MYCBP2: variants seen among roughly 807,000 people sequenced by gnomAD.
MYCBP2 encodes MYC binding protein 2, also known as E3 ubiquitin-protein ligase MYCBP2.
Under a neutral mutation model 525.3 loss-of-function variants are expected in MYCBP2, and 120 were observed. The observed-to-expected ratio is 0.23, with a 90% CI of 0.20 to 0.27. MYCBP2 has a LOEUF of 0.27. Ranked by LOEUF, MYCBP2 falls within the 10% of genes least tolerant of loss-of-function variation. The pLI is 1.00. For missense variants in MYCBP2, 4,149 were observed against 5,657.1 expected (o/e 0.73, Z 8.55); for synonymous variants, 1,894 against 1,955.8 (o/e 0.97, Z 0.83).
chr13:77,139,149 C>T (rs1427703225), intron 52 of MYCBP2, 47 bp downstream of exon 52: 2 of 1,570,924 alleles, frequency 1.3e-6, no homozygotes. Flanking sequence ...CTCTGTAAAA[C>T]AAACAGCGTG....
intron 26 of MYCBP2, among the ~76,000 whole-genome samples, chr13:77,196,117 G>C (rs937742533): frequency 6.6e-6 from 1 of 152,188 alleles, no homozygotes; most frequent in Non-Finnish European, 1.5e-5. Context: ...GGGGAAGTGG[G>C]CTATGTAGGT....
chr13:77,243,962 ATAC>A lies in MYCBP2; in HGVS notation c.2382-14_2382-12del, dbSNP rs779519389. 2.1e-6 allele frequency: 3 copies of A among 1,432,728 alleles called. No homozygotes were observed. The highest frequency in any genetic ancestry group is 1.5e-5 in the South Asian group (1 of 68,652). The allele number at this position is 1,432,728 out of a possible 1,614,324, so 88.8% of individuals were successfully genotyped here. A position where few individuals can be genotyped will look rare whatever the true frequency, so the allele number is the denominator to read the frequency against. ...CCACAACCACAGATCCTAGGGGGAA[ATAC>A]AAAAAAAAAAAAAAAAGACAACTGA... On this transcript the variant is annotated splice_polypyrimidine_tract_variant and intron_variant, in intron 15 of 82. Transcript: ENST00000544440.
chr13:77,223,206 A>T (rs1460792227), intron 20 of MYCBP2, among the ~76,000 whole-genome samples: 1 of 152,184 alleles, frequency 6.6e-6, no homozygotes, highest in Non-Finnish European at 1.5e-5. Context: ...GGGTGCTACC[A>T]GCTGTGACTG....
intron 13 of MYCBP2, 138 bp downstream of exon 13, chr13:77,260,290 A>C (rs1279121537): frequency 4.8e-6 from 3 of 625,194 alleles, no homozygotes; most frequent in Non-Finnish European, 7.6e-6. Flanking sequence ...TCTCTTTCGA[A>C]ATATTTCACA....
chr13:77,126,535 T>C lies in MYCBP2; in HGVS notation c.7667A>G (p.Lys2556Arg), dbSNP rs542230184. The C allele has an allele frequency of 1.9e-6, 3 of 1,611,050 alleles. No individual in the cohort carries two copies. The East Asian group carries it at 6.7e-5, about 36-fold the overall frequency. Residue 2556 changes from lysine (K) to arginine (R), a missense_variant, in exon 53 of 83, where the codon AAA becomes AGA. By Grantham distance (26) the Lys-to-Arg change is conservative. This residue lies in a region of MYCBP2 where 692 missense variants were observed against 852.7 expected (regional missense o/e 0.81). Coordinates refer to ENST00000544440, the MANE Select transcript of MYCBP2 (RefSeq NM_015057.5). ...TTTGAAAAAGTCATCAGTATTAGTT[T>C]TAGATTCCTGAAAATTTGAATAGGA... ...KSLLVPVDESKTNTDDFFKDI... is the reference protein window; with the variant it reads ...KSLLVPVDESRTNTDDFFKDI...
In MYCBP2 at chr13:77,115,664, G is replaced by A. The variant is rs371695445; in HGVS notation, c.8140+5709C>T. 1.7e-4 allele frequency among the ~76,000 whole-genome samples: 26 copies of A among 151,220 alleles called. No homozygotes were observed. In the South Asian group the frequency reaches 4.6e-3, roughly 27 times the overall value. On this transcript the variant is annotated intron_variant, in intron 55 of 82. Coordinates refer to ENST00000544440, the MANE Select transcript of MYCBP2 (RefSeq NM_015057.5). Reference sequence around the variant, plus strand: ...GATTATTTTCAAATTTCCAAAGATAGGTGTAAAAACTATGATTCGGAAAAA... The same window carrying A: ...GATTATTTTCAAATTTCCAAAGATAAGTGTAAAAACTATGATTCGGAAAAA...
In MYCBP2 at chr13:77,097,870, G is replaced by A. The variant is rs1566509831; in HGVS notation, c.9284C>T (p.Ser3095Phe). 6.2e-7 allele frequency: 1 copy of A among 1,613,116 alleles called. No homozygotes were observed. The highest frequency in any genetic ancestry group is 1.1e-5 in the South Asian group (1 of 90,966). The change falls in exon 56 of 83, where the codon TCT (serine) becomes TTT (phenylalanine). Residue 3095 changes from serine (S) to phenylalanine (F), a missense_variant. Physicochemically the swap from Ser to Phe is radical, Grantham distance 155 (BLOSUM62 -2). This residue lies in a region of MYCBP2 where 653 missense variants were observed against 744.7 expected (regional missense o/e 0.88). Coordinates refer to ENST00000544440, the MANE Select transcript of MYCBP2 (RefSeq NM_015057.5). ...TGCAATATTAAACATATTCAGTGCA[G>A]ATGATATTTCTAATGAATGTCTATT... ...LKNRHSLEIS[S>F]ALNMFNIAPH...
intron 3 of MYCBP2, among the ~76,000 whole-genome samples, chr13:77,279,386 T>A (rs2075960592): frequency 6.6e-6 from 1 of 152,150 alleles, no homozygotes; most frequent in Non-Finnish European, 1.5e-5. Flanking sequence ...ATTATCTTAC[T>A]ATTCCTCATC....
intron 23 of MYCBP2, among the ~76,000 whole-genome samples, chr13:77,209,553 C>T (rs2063732101): frequency 1.3e-5 from 2 of 152,198 alleles, no homozygotes; most frequent in Non-Finnish European, 2.9e-5. Context: ...ATCTTTACAT[C>T]TTTTCTCCTC....
chr13:77,058,979 C>G lies in MYCBP2; in HGVS notation c.13140+544G>C, dbSNP rs568615646. ...CAGCCTGGGCGACACAGCCAGACTC[C>G]GTCTCAAAAAAATAAAAAATAAAAA... On this transcript the variant is annotated intron_variant, in intron 77 of 82. Coordinates refer to ENST00000544440, the MANE Select transcript of MYCBP2 (RefSeq NM_015057.5). This position sits in a 1 kb window ranked among gnomAD's most constrained non-coding sequence, Gnocchi z 4.1. 6.6e-6 allele frequency among the ~76,000 whole-genome samples: 1 copy of G among 151,736 alleles called. No individual in the cohort carries two copies. Among genetic ancestry groups the G allele is most frequent in the Non-Finnish European group, 1.5e-5 (1 of 67,970 alleles).
chr13:77,160,219 A>G (rs2057733877), intron 44 of MYCBP2, among the ~76,000 whole-genome samples: 1 of 152,122 alleles, frequency 6.6e-6, no homozygotes, highest in Non-Finnish European at 1.5e-5. Flanking sequence ...GGCATGCGCC[A>G]CCACGCCCAG....
chr13:77,175,431 T>C (rs983598204), intron 36 of MYCBP2, among the ~76,000 whole-genome samples: 7 of 152,154 alleles, frequency 4.6e-5, no homozygotes, highest in African/African-American at 1.7e-4. Flanking sequence ...ACTGTACTTT[T>C]AAAATGTGAG....
chr13:77,149,008 G>A (rs1271376545), intron 47 of MYCBP2, among the ~76,000 whole-genome samples: 1 of 151,884 alleles, frequency 6.6e-6, no homozygotes, highest in African/African-American at 2.4e-5. Context: ...TTTATATTCG[G>A]AGTATCTTTA....
rs570681679 is a variant in MYCBP2 at position 77,209,163 on chromosome 13, A to C, written c.3416+2004T>G. 2.0e-5 allele frequency among the ~76,000 whole-genome samples: 3 copies of C among 152,326 alleles called. No homozygotes were observed. The South Asian group carries it at 6.2e-4, about 32-fold the overall frequency. Reference sequence around the variant, plus strand: ...CCAACAATGGAGAAATTGATCAAGGAGCTGGCAGGGCATTTGAGATCATCT... The same window carrying C: ...CCAACAATGGAGAAATTGATCAAGGCGCTGGCAGGGCATTTGAGATCATCT... On this transcript the variant is annotated intron_variant, in intron 23 of 82. Transcript: ENST00000544440.
chr13:77,121,170 A>T (rs1419656919), intron 55 of MYCBP2: 2 of 398,924 alleles, frequency 5.0e-6, no homozygotes, highest in Non-Finnish European at 8.1e-6. Flanking sequence ...AACTTAAGCC[A>T]AAACTGGTTA....
At chr13:77,106,611 T>C (rs964441744) in intron 55 of MYCBP2, among the ~76,000 whole-genome samples, 1 of 152,134 alleles carries the variant, frequency 6.6e-6, no homozygotes. Flanking sequence ...TGGCATGTAA[T>C]TGTGCTTCTC....
At chr13:77,269,884 T>C in intron 7 of MYCBP2, 108 bp downstream of exon 7, 2 of 866,594 alleles carry the variant, frequency 2.3e-6, no homozygotes, top group South Asian at 3.3e-5. Flanking sequence ...TTAGTAAAAA[T>C]ATATTATCAT....
chr13:77,135,101 A>G (rs925227752), intron 52 of MYCBP2, among the ~76,000 whole-genome samples: 2 of 152,226 alleles, frequency 1.3e-5, no homozygotes, highest in Non-Finnish European at 2.9e-5. Context: ...ATTGATGTCA[A>G]TACAAAATTG....
chr13:77,125,252 TTAAAAC>T, intron 54 of MYCBP2, 78 bp downstream of exon 54: 1 of 1,495,538 alleles, frequency 6.7e-7, no homozygotes, highest in South Asian at 1.3e-5. Flanking sequence ...AAAAAACTCT[TTAAAAC>T]AAAAGCAATA....
Sources: gnomAD v4.1 joint callset for allele counts (sites outside exome capture counted in the v4.1 genomes callset) on GRCh38, gnomAD v4.1.1 for gene constraint, gnomAD v4.1.1 regional missense constraint, Gnocchi (gnomAD v3.1) non-coding constraint, MANE v1.5 for transcripts, NCBI Gene and HGNC (gene_info 2026-07-23, HGNC 2026-07-21) for gene names.